TACSTD2: variants seen among roughly 807,000 people sequenced by gnomAD.
The protein encoded by TACSTD2 is tumor associated calcium signal transducer 2, also known as tumor-associated calcium signal transducer 2.
Under a neutral mutation model 7.9 loss-of-function variants are expected in TACSTD2, and 6 were observed. The observed-to-expected ratio is 0.76, with a 90% CI of 0.42 to 1.50. The LOEUF (loss-of-function observed/expected upper bound fraction) is 1.50. Among genes scored for constraint, TACSTD2 ranks in the 40% most tolerant of loss-of-function variants. The pLI is 0.01. For synonymous variants in TACSTD2, 220 were observed against 225.5 expected, an observed-to-expected ratio of 0.98 and a Z score of 0.22; for missense variants, 511 against 471.2, an observed-to-expected ratio of 1.08 and a Z score of -0.78.
Position 58,576,492 on chromosome 1 carries a change from G to A in TACSTD2, c.665C>T (p.Ala222Val), listed in dbSNP as rs772539021. The A allele has an allele frequency of 1.8e-5, 29 of 1,613,340 alleles. No individual in the cohort carries two copies. The highest frequency in any genetic ancestry group is 3.3e-5 in the South Asian group (3 of 90,932). ...KAAGDVDIGD[A>V]AYYFERDIKG... ...GATGTCCCTCTCGAAGTAGTAGGCGGCATCGCCGATATCCACGTCACCGGC... is the reference window on the plus strand; with the variant it reads ...GATGTCCCTCTCGAAGTAGTAGGCGACATCGCCGATATCCACGTCACCGGC... Residue 222 changes from alanine to valine, a missense_variant, in exon 1 of 1, where the codon GCC becomes GTC. Transcript: ENST00000371225.
rs1176560419 is a variant in TACSTD2, at chr1:58,576,361, G to C, written c.796C>G (p.Pro266Ala). The change falls in exon 1 of 1, where the codon CCG becomes GCG. Residue 266 changes from proline to alanine, a missense_variant. Coordinates refer to ENST00000371225, the MANE Select transcript of TACSTD2 (RefSeq NM_002353.3). ...TLIYYLDEIP[P>A]KFSMKRLTAG... ...GTGAGGCGCTTCATGGAGAACTTCG[G>C]GGGAATCTCGTCCAGGTAATAGATG... 6.8e-6 allele frequency: 11 copies of C among 1,613,312 alleles called. No homozygotes were observed. The highest frequency in any genetic ancestry group is 9.3e-6 in the Non-Finnish European group (11 of 1,179,704).
chr1:58,576,598 G>A lies in TACSTD2; in HGVS notation c.559C>T (p.His187Tyr). ...RRLFRERYRL[H>Y]PKFVAAVHYE... ...TGCACGGCCGCCACGAACTTGGGGTGCAGCCGATAGCGCTCGCGGAAGAGC... is the reference window on the plus strand; with the variant it reads ...TGCACGGCCGCCACGAACTTGGGGTACAGCCGATAGCGCTCGCGGAAGAGC... Residue 187 changes from histidine to tyrosine, a missense_variant, in exon 1 of 1, where the codon CAC becomes TAC. By Grantham distance (83) the His-to-Tyr change is moderately conservative (BLOSUM62 2). Transcript: ENST00000371225. 1 of 1,611,586 alleles carries A rather than the reference G, an allele frequency of 6.2e-7. No homozygotes were observed. Among genetic ancestry groups the A allele is most frequent in the Non-Finnish European group, 8.5e-7 (1 of 1,179,390 alleles).
At position 58,576,259 on chromosome 1, in the gene TACSTD2, G is replaced by C. The variant is rs763475626; in HGVS notation, c.898C>G (p.Arg300Gly). 1 of 1,613,966 alleles carries C rather than the reference G, an allele frequency of 6.2e-7. No individual in the cohort carries two copies. The highest frequency in any genetic ancestry group is 8.5e-7 in the Non-Finnish European group (1 of 1,179,956). The change falls in exon 1 of 1, where the codon CGG (arginine) becomes GGG (glycine). Residue 300 changes from arginine to glycine, a missense_variant. By Grantham distance (125) the Arg-to-Gly change is moderately radical (BLOSUM62 -2). Transcript: ENST00000371225. ...TTCTTGTACTTCCCCGACTTTCTCC[G>C]GTTGGTGATCACCAGGACGGCCATG... ...AGMAVLVITN[R>G]RKSGKYKKVE... is the part of the protein sequence containing the mutation.
rs749388597 is a variant in TACSTD2, at chr1:58,576,475, T to C, written c.682A>G (p.Arg228Gly). 1 of 1,613,756 alleles carries C rather than the reference T, an allele frequency of 6.2e-7. No individual in the cohort carries two copies. Among genetic ancestry groups the C allele is most frequent in the East Asian group, 2.2e-5 (1 of 44,864 alleles). Residue 228 changes from arginine (R) to glycine (G), a missense_variant, in exon 1 of 1, where the codon AGG becomes GGG. Transcript: ENST00000371225. ...DIGDAAYYFE[R>G]DIKGESLFQG... Reference sequence around the variant, plus strand: ...AATAGAGACTCGCCCTTGATGTCCCTCTCGAAGTAGTAGGCGGCATCGCCG... The same window carrying C: ...AATAGAGACTCGCCCTTGATGTCCCCCTCGAAGTAGTAGGCGGCATCGCCG...
rs1646890059 is a variant in TACSTD2 at position 58,577,089 on chromosome 1, G to T, written c.68C>A (p.Ala23Glu). The T allele has an allele frequency of 1.4e-6, 2 of 1,469,472 alleles. No individual in the cohort carries two copies. Among genetic ancestry groups the T allele is most frequent in the Admixed American group, 2.6e-5 (1 of 39,000 alleles). 91.0% of individuals were successfully genotyped at this position (1,469,472 alleles called of 1,614,324 possible). The change falls in exon 1 of 1, where the codon GCG (alanine) becomes GAG (glutamate). Residue 23 changes from alanine (A) to glutamate (E), a missense_variant. Physicochemically the swap from Ala to Glu is moderately radical, Grantham distance 107. Transcript: ENST00000371225. ...CTGCGCGGCCGTGTGGCCGGTCACC[G>T]CCGCCAGCACCAGCAGCAGCAGCGG... is the stretch of plus-strand genomic sequence containing the variant. ...RLPLLLLVLA[A>E]VTGHTAAQDN...
Position 58,577,002 on chromosome 1 carries a change from C to T in TACSTD2, c.155G>A (p.Arg52His), listed in dbSNP as rs1270525518. ...TVCSPDGPGGRCQCRALGSGM... is the reference protein window; with the variant it reads ...TVCSPDGPGGHCQCRALGSGM... Reference sequence around the variant, plus strand: ...CGAGCCCAGCGCGCGGCACTGGCAGCGGCCGCCGGGGCCGTCGGGGCTGCA... The same window carrying T: ...CGAGCCCAGCGCGCGGCACTGGCAGTGGCCGCCGGGGCCGTCGGGGCTGCA... The change falls in exon 1 of 1, where the codon CGC becomes CAC. Residue 52 changes from arginine to histidine, a missense_variant. By Grantham distance (29) the Arg-to-His change is conservative (BLOSUM62 0). Transcript: ENST00000371225. 1 of 1,565,606 alleles carries T rather than the reference C, an allele frequency of 6.4e-7. No individual in the cohort carries two copies. Among genetic ancestry groups the T allele is most frequent in the Non-Finnish European group, 8.6e-7 (1 of 1,158,788 alleles).
At position 58,577,124 on chromosome 1, in the gene TACSTD2, C is replaced by T. The variant is rs1252714336; in HGVS notation, c.33G>A (p.Pro11=). MARGPGLAPP[P]LRLPLLLLVL... ...CCAGCAGCAGCAGCGGCAGCCGCAG[C>T]GGTGGCGGCGCGAGGCCGGGGCCCC... The change falls in exon 1 of 1, where the codon CCG becomes CCA. Residue 11 remains proline, a synonymous_variant. Transcript: ENST00000371225. The T allele has an allele frequency of 7.1e-7, 1 of 1,402,852 alleles. No homozygotes were observed. The highest frequency in any genetic ancestry group is 9.2e-7 in the Non-Finnish European group (1 of 1,089,646). The allele number at this position is 1,402,852 out of a possible 1,614,324, so 86.9% of individuals were successfully genotyped here.
In TACSTD2 at chr1:58,575,903, C is replaced by T. The variant is rs1032389948; in HGVS notation, c.*282G>A. The T allele has an allele frequency of 2.1e-6, 1 of 479,262 alleles. No individual in the cohort carries two copies. The highest frequency in any genetic ancestry group is 3.7e-6 in the Non-Finnish European group (1 of 269,250). 29.7% of individuals were successfully genotyped at this position (479,262 alleles called of 1,614,324 possible). ...AGATACTTGTTTTTTACACATAACG[C>T]TATGCCATCCCTTCCTTCACTGCCC... On this transcript the variant is annotated 3_prime_UTR_variant, in exon 1 of 1. Coordinates refer to ENST00000371225, the MANE Select transcript of TACSTD2 (RefSeq NM_002353.3).
At position 58,576,835 on chromosome 1, in the gene TACSTD2, A is replaced by G; in HGVS notation, c.322T>C (p.Cys108Arg). The G allele has an allele frequency of 6.3e-7, 1 of 1,595,412 alleles. No homozygotes were observed. Among genetic ancestry groups the G allele is most frequent in the Non-Finnish European group, 8.5e-7 (1 of 1,177,684 alleles). ...VDNDGLYDPD[C>R]DPEGRFKARQ... ...GCCTTGAAGCGGCCCTCGGGGTCGC[A>G]GTCGGGGTCGTAGAGGCCATCGTTG... Residue 108 changes from cysteine (C) to arginine (R), a missense_variant, in exon 1 of 1, where the codon TGC becomes CGC. Cys to Arg is a radical substitution (Grantham distance 180). Coordinates refer to ENST00000371225, the MANE Select transcript of TACSTD2 (RefSeq NM_002353.3).
chr1:58,576,796 G>T lies in TACSTD2; in HGVS notation c.361C>A (p.Gln121Lys). 6.3e-7 allele frequency: 1 copy of T among 1,597,812 alleles called. No homozygotes were observed. The highest frequency in any genetic ancestry group is 1.1e-5 in the South Asian group (1 of 90,368). Reference protein sequence around the residue: ...EGRFKARQCNQTSVCWCVNSV... With the variant: ...EGRFKARQCNKTSVCWCVNSV... ...TTCACGCACCAGCACACCGACGTCTGGTTGCACTGGCGCGCCTTGAAGCGG... is the reference window on the plus strand; with the variant it reads ...TTCACGCACCAGCACACCGACGTCTTGTTGCACTGGCGCGCCTTGAAGCGG... Residue 121 changes from glutamine to lysine, a missense_variant, in exon 1 of 1, where the codon CAG becomes AAG. Coordinates refer to ENST00000371225, the MANE Select transcript of TACSTD2 (RefSeq NM_002353.3).
At position 58,576,911 on chromosome 1, in the gene TACSTD2, G is replaced by C. The variant is rs750268071; in HGVS notation, c.246C>G (p.Ala82=). 51 of 1,588,458 alleles carry C rather than the reference G, an allele frequency of 3.2e-5. No individual in the cohort carries two copies. Among genetic ancestry groups the C allele is most frequent in the Non-Finnish European group, 4.0e-5 (47 of 1,174,038 alleles). ...GCACCAGCGTGCGGGCGTTCTTGGGGGCGCTCATGCGCGCCTTGAGCAGCA... is the reference window on the plus strand; with the variant it reads ...GCACCAGCGTGCGGGCGTTCTTGGGCGCGCTCATGCGCGCCTTGAGCAGCA... ...KCLLLKARMS[A]PKNARTLVRP... Residue 82 remains alanine (A), a synonymous_variant, in exon 1 of 1, where the codon GCC becomes GCG. Transcript: ENST00000371225.
rs1026319334 is a variant in TACSTD2, at chr1:58,576,866, G to A, written c.291C>T (p.Leu97=). The A allele has an allele frequency of 1.3e-6, 2 of 1,593,012 alleles. No homozygotes were observed. The highest frequency in any genetic ancestry group is 1.7e-5 in the Admixed American group (1 of 59,050). The change falls in exon 1 of 1, where the codon CTC becomes CTT. Residue 97 remains leucine (L), a synonymous_variant. Transcript: ENST00000371225. ...RTLVRPSEHA[L]VDNDGLYDPD... is the part of the protein sequence containing the mutation. ...GGTCGTAGAGGCCATCGTTGTCCAC[G>A]AGCGCGTGCTCACTCGGCCGCACCA...
rs1412776485 is a variant in TACSTD2 at position 58,576,403 on chromosome 1, G to T, written c.754C>A (p.Gln252Lys). ...LDLRVRGEPLQVERTLIYYLD... is the reference protein window; with the variant it reads ...LDLRVRGEPLKVERTLIYYLD... ...TAATAGATGAGCGTGCGCTCCACCT[G>T]CAGGGGTTCTCCGCGCACGCGCAAG... The change falls in exon 1 of 1, where the codon CAG (glutamine) becomes AAG (lysine). Residue 252 changes from glutamine (Q) to lysine (K), a missense_variant. Transcript: ENST00000371225. 6.2e-7 allele frequency: 1 copy of T among 1,613,494 alleles called. No individual in the cohort carries two copies. Among genetic ancestry groups the T allele is most frequent in the African/African-American group, 1.3e-5 (1 of 74,940 alleles).
Position 58,576,964 on chromosome 1 carries a change from C to G in TACSTD2, c.193G>C (p.Asp65His). The G allele has an allele frequency of 6.3e-7, 1 of 1,580,764 alleles. No individual in the cohort carries two copies. The highest frequency in any genetic ancestry group is 8.6e-7 in the Non-Finnish European group (1 of 1,167,752). The change falls in exon 1 of 1, where the codon GAC becomes CAC. Residue 65 changes from aspartate (D) to histidine (H), a missense_variant. Transcript: ENST00000371225. ...CRALGSGMAV[D>H]CSTLTSKCLL... Reference sequence around the variant, plus strand: ...CACTTGGAGGTCAGCGTGGAGCAGTCGACCGCCATGCCCGAGCCCAGCGCG... The same window carrying G: ...CACTTGGAGGTCAGCGTGGAGCAGTGGACCGCCATGCCCGAGCCCAGCGCG...
Position 58,577,162 on chromosome 1 carries a change from G to A in TACSTD2, c.-6C>T, listed in dbSNP as rs1431321994. 10 of 1,363,062 alleles carry A rather than the reference G, an allele frequency of 7.3e-6. No homozygotes were observed. The East Asian group carries it at 2.7e-4, about 37-fold the overall frequency. The allele number at this position is 1,363,062 out of a possible 1,614,324, so 84.4% of individuals were successfully genotyped here. ...AGGCCGGGGCCCCGAGCCATGGTGG[G>A]GCGGAGGAACGCGGACCGGACGCGG... On this transcript the variant is annotated 5_prime_UTR_variant, in exon 1 of 1. Coordinates refer to ENST00000371225, the MANE Select transcript of TACSTD2 (RefSeq NM_002353.3).
At position 58,576,506 on chromosome 1, in the gene TACSTD2, C is replaced by T. The variant is rs1246553763; in HGVS notation, c.651G>A (p.Val217=). ...QNTSQKAAGD[V]DIGDAAYYFE... The stretch of plus-strand genomic sequence containing the variant: ...AGTAGTAGGCGGCATCGCCGATATC[C>T]ACGTCACCGGCGGCCTTCTGAGACG... Residue 217 remains valine (V), a synonymous_variant, in exon 1 of 1, where the codon GTG becomes GTA. Transcript: ENST00000371225. 1 of 1,613,048 alleles carries T rather than the reference C, an allele frequency of 6.2e-7. No homozygotes were observed. Among genetic ancestry groups the T allele is most frequent in the South Asian group, 1.1e-5 (1 of 90,878 alleles).
At position 58,576,283 on chromosome 1, in the gene TACSTD2, T is replaced by G; in HGVS notation, c.874A>C (p.Met292Leu). 1 of 1,613,682 alleles carries G rather than the reference T, an allele frequency of 6.2e-7. No homozygotes were observed. The highest frequency in any genetic ancestry group is 8.5e-7 in the Non-Finnish European group (1 of 1,179,838). Residue 292 changes from methionine (M) to leucine (L), a missense_variant, in exon 1 of 1, where the codon ATG becomes CTG. By Grantham distance (15) the Met-to-Leu change is conservative. Coordinates refer to ENST00000371225, the MANE Select transcript of TACSTD2 (RefSeq NM_002353.3). ...CGGTTGGTGATCACCAGGACGGCCA[T>G]GCCGGCGACGAGGGCCACCACGACC... is the stretch of plus-strand genomic sequence containing the variant. ...VVVVVALVAGMAVLVITNRRK... is the reference protein window; with the variant it reads ...VVVVVALVAGLAVLVITNRRK...
chr1:58,576,668 G>A lies in TACSTD2; in HGVS notation c.489C>T (p.Thr163=), dbSNP rs763010170. The A allele has an allele frequency of 1.2e-6, 2 of 1,602,848 alleles. No individual in the cohort carries two copies. Among genetic ancestry groups the A allele is most frequent in the East Asian group, 4.5e-5 (2 of 44,734 alleles). The part of the protein sequence containing the change: ...HILIDLRHRP[T]AGAFNHSDLD... ...GGTCTGAGTGGTTGAAGGCGCCGGC[G>A]GTGGGGCGGTGGCGCAGGTCAATGA... The change falls in exon 1 of 1, where the codon ACC becomes ACT. Residue 163 remains threonine, a synonymous_variant. Transcript: ENST00000371225.
Position 58,576,844 on chromosome 1 carries a change from C to T in TACSTD2, c.313G>A (p.Asp105Asn). 2 of 1,594,878 alleles carry T rather than the reference C, an allele frequency of 1.3e-6. No individual in the cohort carries two copies. The highest frequency in any genetic ancestry group is 1.7e-6 in the Non-Finnish European group (2 of 1,177,446). ...CGGCCCTCGGGGTCGCAGTCGGGGT[C>T]GTAGAGGCCATCGTTGTCCACGAGC... ...HALVDNDGLY[D>N]PDCDPEGRFK... is the part of the protein sequence containing the mutation. Residue 105 changes from aspartate (D) to asparagine (N), a missense_variant, in exon 1 of 1, where the codon GAC (aspartate) becomes AAC (asparagine). Physicochemically the swap from Asp to Asn is conservative, Grantham distance 23. Coordinates refer to ENST00000371225, the MANE Select transcript of TACSTD2 (RefSeq NM_002353.3).
Sources: allele counts gnomAD v4.1 joint callset, GRCh38; gene constraint gnomAD v4.1.1; transcripts MANE v1.5; gene names NCBI Gene and HGNC (gene_info 2026-07-23, HGNC 2026-07-21).